Variants in DLGAP1 observed in about 807,000 individuals in gnomAD.
DLGAP1 encodes DLG associated protein 1, also known as disks large-associated protein 1.
In DLGAP1, 11 loss-of-function variants were observed where a neutral mutation model predicts 90.8. That is an observed-to-expected ratio of 0.12 (90% CI 0.08 to 0.20). The LOEUF (loss-of-function observed/expected upper bound fraction) is 0.20, where lower values mean the gene tolerates loss of function less well. Among genes scored for constraint, DLGAP1 ranks in the 10% least tolerant of loss-of-function variants. The pLI, the probability that DLGAP1 is intolerant of heterozygous loss-of-function variation, is 1.00. For missense variants in DLGAP1, 1,050 were observed against 1,333.8 expected, an observed-to-expected ratio of 0.79 and a Z score of 3.31; for synonymous variants, 558 against 540.7, an observed-to-expected ratio of 1.03 and a Z score of -0.44.
intron 1 of DLGAP1, among the ~76,000 whole-genome samples, chr18:4,268,724 C>G (rs946867592): frequency 5.3e-5 from 8 of 152,058 alleles, no homozygotes; most frequent in Non-Finnish European, 1.0e-4. Context: ...AATTATTGAA[C>G]TTGAAATACT....
chr18:4,330,749 T>C (rs1358897033), intron 1 of DLGAP1, among the ~76,000 whole-genome samples: 1 of 151,936 alleles, frequency 6.6e-6, no homozygotes, highest in Non-Finnish European at 1.5e-5. Context: ...ATTTCAATCC[T>C]CTTTAATTCA....
At chr18:4,396,854 CA>C in intron 1 of DLGAP1, among the ~76,000 whole-genome samples, 1 of 152,244 alleles carries the variant, frequency 6.6e-6, no homozygotes, top group African/African-American at 2.4e-5. Context: ...GACGGTTTCC[CA>C]AACCCATATT....
At chr18:4,149,349 T>C (rs762191750) in intron 2 of DLGAP1, among the ~76,000 whole-genome samples, 1 of 152,246 alleles carries the variant, frequency 6.6e-6, no homozygotes, top group Non-Finnish European at 1.5e-5. Flanking sequence ...TATTTAGGTA[T>C]AATTATTTAA....
At chr18:3,676,915 T>C (rs56248211) in intron 7 of DLGAP1, among the ~76,000 whole-genome samples, 4,906 of 152,274 alleles carry the variant, frequency 0.032, 277 homozygotes, top group African/African-American at 0.11. Flanking sequence ...TCATGTGTAT[T>C]GACATACTTT....
At chr18:3,831,086 G>A (rs2068009549) in intron 4 of DLGAP1, among the ~76,000 whole-genome samples, 1 of 152,232 alleles carries the variant, frequency 6.6e-6, no homozygotes. Context: ...AGTTGCTGGT[G>A]CATGTGTGTA....
chr18:4,376,028 A>T (rs1473355972), intron 1 of DLGAP1, among the ~76,000 whole-genome samples: 1 of 152,166 alleles, frequency 6.6e-6, no homozygotes, highest in African/African-American at 2.4e-5. Flanking sequence ...ATAAAAGGTA[A>T]TTCTATAGAT....
At chr18:3,638,273 T>A (rs2058799125) in intron 7 of DLGAP1, among the ~76,000 whole-genome samples, 1 of 142,670 alleles carries the variant, frequency 7.0e-6, no homozygotes, top group Non-Finnish European at 1.5e-5. Flanking sequence ...TTTGAGGCAG[T>A]GTTTCACTCT....
At chr18:4,242,467 G>C (rs1229310024) in intron 1 of DLGAP1, among the ~76,000 whole-genome samples, 1 of 152,040 alleles carries the variant, frequency 6.6e-6, no homozygotes, top group African/African-American at 2.4e-5. Flanking sequence ...GGAGGATTTG[G>C]GGTAAATCTG....
At chr18:3,675,857 C>G (rs1321417132) in intron 7 of DLGAP1, among the ~76,000 whole-genome samples, 1 of 152,014 alleles carries the variant, frequency 6.6e-6, no homozygotes, top group Non-Finnish European at 1.5e-5. Flanking sequence ...TTTTTTTGTA[C>G]CAACCAACTT....
rs573856127 is a variant in DLGAP1, at chr18:3,865,637, C to T, written c.957+13475G>A. The stretch of plus-strand genomic sequence containing the variant: ...AAAGGAAATATTTGCAAAGCAGAGG[C>T]ATCATGTTATGGTGGAAAGCAAACA... On this transcript the variant is annotated intron_variant, in intron 4 of 12. Transcript: ENST00000315677. Among the ~76,000 whole-genome samples the T allele has an allele frequency of 1.4e-4, 21 of 152,272 alleles. No homozygotes were observed. The South Asian group carries it at 4.4e-3, about 32-fold the overall frequency.
chr18:3,676,206 A>G (rs558727746), intron 7 of DLGAP1, among the ~76,000 whole-genome samples: 3 of 152,192 alleles, frequency 2.0e-5, no homozygotes, highest in Non-Finnish European at 4.4e-5. Flanking sequence ...GCGCAGCCCA[A>G]GGAGAAAGTT....
intron 3 of DLGAP1, among the ~76,000 whole-genome samples, chr18:3,920,721 TA>T (rs1260431720): frequency 2.0e-5 from 3 of 152,200 alleles, no homozygotes; most frequent in Non-Finnish European, 4.4e-5. Flanking sequence ...CAATGTCTAC[TA>T]ATGTAAAAGG....
At chr18:3,507,507 C>A (rs187742565) in intron 11 of DLGAP1, among the ~76,000 whole-genome samples, 1 of 151,976 alleles carries the variant, frequency 6.6e-6, no homozygotes, top group Non-Finnish European at 1.5e-5. Flanking sequence ...GACAACAGAG[C>A]GAGACTCCAT....
intron 10 of DLGAP1, among the ~76,000 whole-genome samples, chr18:3,521,744 T>C (rs894923832): frequency 6.6e-6 from 1 of 152,220 alleles, no homozygotes; most frequent in Non-Finnish European, 1.5e-5. Flanking sequence ...TGTGAGCTCT[T>C]TGATGGCCTA....
At chr18:4,197,188 T>TAAAAAAAAAA (rs532844849) in intron 1 of DLGAP1, among the ~76,000 whole-genome samples, 2,730 of 69,344 alleles carry the variant, frequency 0.039, 4 homozygotes, top group Non-Finnish European at 0.049. Flanking sequence ...TAAAAAAAAG[T>TAAAAAAAAAA]AAAAAAAAAA....
At chr18:3,748,410 C>T (rs920818342) in intron 5 of DLGAP1, among the ~76,000 whole-genome samples, 3 of 152,232 alleles carry the variant, frequency 2.0e-5, no homozygotes, top group Non-Finnish European at 2.9e-5. Context: ...CTTCAGATGG[C>T]TGGGATGCTT....
rs571879746 is a variant in DLGAP1 at position 3,590,700 on chromosome 18, C to G, written c.1592-8452G>C. Among the ~76,000 whole-genome samples, 6 of 152,052 alleles carry G rather than the reference C, an allele frequency of 3.9e-5. No individual in the cohort carries two copies. In the East Asian group the frequency reaches 1.2e-3, roughly 29 times the overall value. Reference sequence around the variant, plus strand: ...TGAAACCCTGTCTCTACTAAAAATACAAAAATTAGCCGGGGGTGGTGGCAC... The same window carrying G: ...TGAAACCCTGTCTCTACTAAAAATAGAAAAATTAGCCGGGGGTGGTGGCAC... On this transcript the variant is annotated intron_variant, in intron 7 of 12. Transcript: ENST00000315677.
chr18:3,778,556 T>C (rs1010093108), intron 5 of DLGAP1, among the ~76,000 whole-genome samples: 1 of 152,058 alleles, frequency 6.6e-6, no homozygotes, highest in Non-Finnish European at 1.5e-5. Context: ...GTGGGCTGTA[T>C]AGGCAGGTTT....
At chr18:4,312,003 A>T (rs1416917311) in intron 1 of DLGAP1, among the ~76,000 whole-genome samples, 2 of 152,180 alleles carry the variant, frequency 1.3e-5, no homozygotes, top group Admixed American at 1.3e-4. Flanking sequence ...GATGTGAGCC[A>T]CCATGCCTGG....
Sources: gnomAD v4.1 joint callset for allele counts (sites outside exome capture counted in the v4.1 genomes callset) on GRCh38, gnomAD v4.1.1 for gene constraint, MANE v1.5 for transcripts, NCBI Gene and HGNC (gene_info 2026-07-23, HGNC 2026-07-21) for gene names.